The following PAMR1 variants were observed in gnomAD, a reference collection of about 807,000 sequenced individuals.
The protein encoded by PAMR1 is peptidase domain containing associated with muscle regeneration 1.
A neutral mutation model predicts 81.8 loss-of-function variants in PAMR1; 88 were observed. The observed-to-expected ratio is 1.08, with a 90% CI of 0.91 to 1.28. The LOEUF is 1.28. PAMR1 is among the 50% of genes most tolerant of loss of function. The pLI is 0.00. For missense variants in PAMR1, 935 were observed against 919.7 expected, an observed-to-expected ratio of 1.02 and a Z score of -0.21; for synonymous variants, 336 against 345.3, an observed-to-expected ratio of 0.97 and a Z score of 0.30.
chr11:35,444,659 G>A (rs1026982172), intron 6 of PAMR1, among the ~76,000 whole-genome samples: 1 of 152,106 alleles, frequency 6.6e-6, no homozygotes, highest in Non-Finnish European at 1.5e-5. Flanking sequence ...TTGTAGATGT[G>A]TGGTCTTATT....
At chr11:35,467,851 T>C (rs1267532481) in intron 6 of PAMR1, 150 bp downstream of exon 6, 4 of 487,254 alleles carry the variant, frequency 8.2e-6, no homozygotes, top group South Asian at 4.4e-5. Flanking sequence ...TATGCCCCTC[T>C]GAGAATCACT....
chr11:35,435,833 G>A, intron 9 of PAMR1, 70 bp downstream of exon 9: 1 of 1,166,838 alleles, frequency 8.6e-7, no homozygotes, highest in Admixed American at 1.7e-5. Context: ...AAAAAGTAGG[G>A]TTAATGGTTT....
intron 6 of PAMR1, among the ~76,000 whole-genome samples, chr11:35,462,878 G>A (rs1346455865): frequency 6.6e-6 from 1 of 152,108 alleles, no homozygotes; most frequent in Non-Finnish European, 1.5e-5. Flanking sequence ...TTCACCTTGG[G>A]GCGTACCATC....
intron 1 of PAMR1, among the ~76,000 whole-genome samples, chr11:35,518,195 G>C (rs962207974): frequency 7.7e-6 from 1 of 129,750 alleles, no homozygotes; most frequent in Non-Finnish European, 1.6e-5. Context: ...GTGTTGTAAT[G>C]AGGATTCCTT....
At chr11:35,459,133 T>C (rs1856598372) in intron 6 of PAMR1, among the ~76,000 whole-genome samples, 1 of 152,176 alleles carries the variant, frequency 6.6e-6, no homozygotes, top group African/African-American at 2.4e-5. Context: ...GGCAGCAATT[T>C]AGAGGCTGAG....
intron 6 of PAMR1, chr11:35,453,420 C>T (rs1371043707): frequency 6.6e-6 from 1 of 152,212 alleles, no homozygotes; most frequent in South Asian, 2.1e-4. Flanking sequence ...TCTGTACATT[C>T]GTATCTTTTA....
chr11:35,481,604 C>T (rs1250917496), intron 3 of PAMR1, among the ~76,000 whole-genome samples: 1 of 152,078 alleles, frequency 6.6e-6, no homozygotes, highest in Non-Finnish European at 1.5e-5. Context: ...CTCACTGCAA[C>T]CTCCACCTCC....
chr11:35,523,996 A>G lies in PAMR1; in HGVS notation c.73+1517T>C, dbSNP rs999495007. ...CTTTGAAGCGCCTCACCTGCCATGT[A>G]ATAAAACAGGAAGCAGGGGAACGCT... On this transcript the variant is annotated intron_variant, in intron 1 of 10. Transcript: ENST00000619888. Among the ~76,000 whole-genome samples the G allele has an allele frequency of 2.0e-5, 3 of 152,178 alleles. No individual in the cohort carries two copies. In the East Asian group the frequency reaches 5.8e-4, roughly 29 times the overall value.
In PAMR1 at chr11:35,432,437, A is replaced by T; in HGVS notation, c.2082T>A (p.Asp694Glu). 6.2e-7 allele frequency: 1 copy of T among 1,614,172 alleles called. No homozygotes were observed. ...HLMGLVSWSYDKTCSHRLSTA... is the reference protein window; with the variant it reads ...HLMGLVSWSYEKTCSHRLSTA... ...TGGAGAGCCTGTGGCTGCATGTTTT[A>T]TCATAGCTCCAGCTGACCAGTCCCA... Residue 694 changes from aspartate to glutamate, a missense_variant, in exon 11 of 11, where the codon GAT becomes GAA. Asp to Glu is a conservative substitution (Grantham distance 45). Transcript: ENST00000619888.
rs544781812 is a variant in PAMR1, at chr11:35,448,698, A to T, written c.821-7005T>A. Reference sequence around the variant, plus strand: ...GTGCCATTGCTGGAGAGGTGTTGCAATCATTTGGAAGAGAAGAGACGCTCT... The same window carrying T: ...GTGCCATTGCTGGAGAGGTGTTGCATTCATTTGGAAGAGAAGAGACGCTCT... On this transcript the variant is annotated intron_variant, in intron 6 of 10. Coordinates refer to ENST00000619888, the MANE Select transcript of PAMR1 (RefSeq NM_001001991.3). Among the ~76,000 whole-genome samples, 250 of 152,308 alleles carry T rather than the reference A, an allele frequency of 1.6e-3. 2 individuals are homozygous for T. Among genetic ancestry groups the T allele is most frequent in the African/African-American group, 5.7e-3 (238 of 41,566 alleles).
At chr11:35,447,844 A>T (rs2135349941) in intron 6 of PAMR1, among the ~76,000 whole-genome samples, 1 of 152,318 alleles carries the variant, frequency 6.6e-6, no homozygotes, top group East Asian at 1.9e-4. Context: ...CCTTGTGGTG[A>T]CAAATTCCCT....
chr11:35,499,389 C>T (rs938650403), intron 1 of PAMR1, among the ~76,000 whole-genome samples: 27 of 152,230 alleles, frequency 1.8e-4, no homozygotes, highest in South Asian at 4.1e-4. Flanking sequence ...ATTCACCCTG[C>T]GGCAAGCACT....
chr11:35,474,318 A>G (rs957245772), intron 4 of PAMR1, among the ~76,000 whole-genome samples: 1 of 152,242 alleles, frequency 6.6e-6, no homozygotes, highest in Non-Finnish European at 1.5e-5. Flanking sequence ...TCCCTCCCAT[A>G]GGAACCAGCC....
upstream of PAMR1, chr11:35,529,039 A>G (rs1468252622): frequency 6.6e-6 from 1 of 152,200 alleles, no homozygotes; most frequent in East Asian, 1.9e-4. Context: ...TTTACTGAGG[A>G]CATTCAGCCC....
chr11:35,438,581 A>C (rs906179287), intron 8 of PAMR1, among the ~76,000 whole-genome samples: 4 of 152,208 alleles, frequency 2.6e-5, no homozygotes, highest in Admixed American at 2.6e-4. Context: ...TCATTCGATA[A>C]ATACTTACTG....
At chr11:35,494,947 T>C (rs1222573422) in intron 1 of PAMR1, among the ~76,000 whole-genome samples, 1 of 152,232 alleles carries the variant, frequency 6.6e-6, no homozygotes, top group Non-Finnish European at 1.5e-5. Flanking sequence ...TAGGTGTCTA[T>C]GCTTATTTAT....
Position 35,432,176 on chromosome 11 carries a change from A to G in PAMR1, c.*180T>C. On this transcript the variant is annotated 3_prime_UTR_variant, in exon 11 of 11. Transcript: ENST00000619888. ...TGGCTGTCCTAGTAGTGGACGCGGC[A>G]TCAGCCTACCAGCAATGGAGGTCTA... 1 of 611,878 alleles carries G rather than the reference A, an allele frequency of 1.6e-6. No individual in the cohort carries two copies. Among genetic ancestry groups the G allele is most frequent in the East Asian group, 2.8e-5 (1 of 36,270 alleles). The allele number at this position is 611,878 out of a possible 1,614,324, so 37.9% of individuals were successfully genotyped here. A position where few individuals can be genotyped will look rare whatever the true frequency, so the allele number is the denominator to read the frequency against.
At chr11:35,482,399 C>T (rs182094655) in intron 3 of PAMR1, among the ~76,000 whole-genome samples, 59 of 152,264 alleles carry the variant, frequency 3.9e-4, no homozygotes, top group African/African-American at 1.4e-3. Flanking sequence ...GTCTGTATGT[C>T]TGTTTTGGCA....
chr11:35,437,035 T>C (rs1226121987), intron 8 of PAMR1, among the ~76,000 whole-genome samples: 2 of 152,148 alleles, frequency 1.3e-5, no homozygotes, highest in African/African-American at 4.8e-5. Context: ...CCTCAGAGAA[T>C]AGAACTTTCT....
Sources: allele counts gnomAD v4.1 joint callset (sites outside exome capture counted in the v4.1 genomes callset), GRCh38; gene constraint gnomAD v4.1.1; transcripts MANE v1.5; gene names NCBI Gene and HGNC (gene_info 2026-07-23, HGNC 2026-07-21).